The following NAV2 variants were observed in gnomAD, a reference collection of about 807,000 sequenced individuals.
NAV2 encodes the protein helicase, APC down-regulated 1.
Under a neutral mutation model 223.2 loss-of-function variants are expected in NAV2, and 54 were observed. That is an observed-to-expected ratio of 0.24 (90% CI 0.19 to 0.30). The LOEUF is 0.30. Among genes scored for constraint, NAV2 ranks in the 10% least tolerant of loss-of-function variants. The pLI is 1.00. For synonymous variants in NAV2, 1,279 were observed against 1,239.3 expected (o/e 1.03, Z -0.67); for missense variants, 2,806 against 3,147.5 (o/e 0.89, Z 2.60).
intron 3 of NAV2, among the ~76,000 whole-genome samples, chr11:19,866,118 A>G (rs1385878167): frequency 6.6e-6 from 1 of 151,592 alleles, no homozygotes; most frequent in Non-Finnish European, 1.5e-5. Flanking sequence ...GCTGGCACAG[A>G]GCAGACATCT....
chr11:19,728,245 C>T (rs955135186), intron 1 of NAV2, among the ~76,000 whole-genome samples: 1 of 152,206 alleles, frequency 6.6e-6, no homozygotes, highest in Non-Finnish European at 1.5e-5. Flanking sequence ...GAGTCAAAAA[C>T]ATTAAGTTCT....
intron 1 of NAV2, among the ~76,000 whole-genome samples, chr11:19,592,062 C>T (rs139422217): frequency 2.6e-5 from 4 of 152,296 alleles, no homozygotes; most frequent in South Asian, 4.1e-4. Context: ...CCAGCATCCA[C>T]GTACGTTTGG....
rs189694350 is a variant in NAV2, at chr11:19,692,177, A to G, written c.76-140307A>G. ...GTGAGCATGCAGACTCACTGGGAGA[A>G]AGACCCACACTGGCTGAGGGCCTCA... On this transcript the variant is annotated intron_variant, in intron 1 of 37. Coordinates refer to the NAV2 transcript ENST00000360655. Among the ~76,000 whole-genome samples the G allele has an allele frequency of 1.1e-4, 17 of 152,332 alleles. No individual in the cohort carries two copies. The East Asian group carries it at 3.3e-3, about 29-fold the overall frequency.
intron 1 of NAV2, among the ~76,000 whole-genome samples, chr11:19,622,716 G>C (rs1190813718): frequency 2.6e-5 from 4 of 152,086 alleles, no homozygotes; most frequent in East Asian, 3.9e-4. Context: ...GACTCTTTAT[G>C]CAATTTTCCA....
In NAV2 at chr11:19,901,442, G is replaced by A. The variant is rs371098731; in HGVS notation, c.931+8848G>A. ...TACGCCTGTAGTCCCAGTTAAGTGG[G>A]AGGCTGAGGCAGGAGAATCGCTTGA... is the stretch of plus-strand genomic sequence containing the variant. On this transcript the variant is annotated intron_variant, in intron 6 of 37. Transcript: ENST00000349880. Among the ~76,000 whole-genome samples the A allele has an allele frequency of 9.3e-4, 142 of 152,314 alleles. No individual in the cohort carries two copies. The South Asian group carries it at 0.015, about 16-fold the overall frequency.
chr11:19,624,865 C>T (rs1228084756), intron 1 of NAV2, among the ~76,000 whole-genome samples: 2 of 152,206 alleles, frequency 1.3e-5, no homozygotes, highest in African/African-American at 4.8e-5. Context: ...GAGCTGTAGA[C>T]TGGAGCTCTA....
intron 5 of NAV2, among the ~76,000 whole-genome samples, 194 bp downstream of exon 5, chr11:19,880,321 A>T (rs1268078460): frequency 6.6e-6 from 1 of 152,206 alleles, no homozygotes; most frequent in Admixed American, 6.5e-5. Context: ...GCAGAGATGT[A>T]TACTTTTATA....
intron 1 of NAV2, among the ~76,000 whole-genome samples, chr11:19,523,321 C>G (rs1033467981): frequency 6.6e-6 from 1 of 152,158 alleles, no homozygotes; most frequent in Non-Finnish European, 1.5e-5. Flanking sequence ...TGGGGAGCAG[C>G]AAGGTGAAAT....
intron 6 of NAV2, among the ~76,000 whole-genome samples, chr11:19,913,130 T>C (rs1360230109): frequency 6.6e-6 from 1 of 152,224 alleles, no homozygotes; most frequent in African/African-American, 2.4e-5. Flanking sequence ...TGAATCACTC[T>C]GTCCTGTTTT....
chr11:19,366,626 T>A (rs532236184), intron 1 of NAV2, among the ~76,000 whole-genome samples: 1 of 152,286 alleles, frequency 6.6e-6, no homozygotes, highest in South Asian at 2.1e-4. Flanking sequence ...AGACCCCAGA[T>A]AAAATCCTGG....
At chr11:19,531,102 T>A (rs1242015647) in intron 1 of NAV2, among the ~76,000 whole-genome samples, 1 of 152,244 alleles carries the variant, frequency 6.6e-6, no homozygotes, top group Non-Finnish European at 1.5e-5. Context: ...ATTTATTGCC[T>A]GGCATAGAGT....
chr11:19,891,512 G>A lies in NAV2; in HGVS notation c.771-922G>A, dbSNP rs140666525. On this transcript the variant is annotated intron_variant, in intron 5 of 37. Transcript: ENST00000349880. ...CCAAAATGAGGTGTTTTATTTAAAG[G>A]GAGAGTGTGTGTTTGTCTTTAGGCC... is the stretch of plus-strand genomic sequence containing the variant. Among the ~76,000 whole-genome samples the A allele has an allele frequency of 1.1e-4, 16 of 152,262 alleles. 1 individual carries two copies. In the East Asian group the frequency reaches 3.1e-3, roughly 29 times the overall value.
At chr11:19,535,884 G>C (rs1443012901) in intron 1 of NAV2, among the ~76,000 whole-genome samples, 2 of 152,184 alleles carry the variant, frequency 1.3e-5, no homozygotes, top group East Asian at 3.8e-4. Flanking sequence ...TCTGGGTGTA[G>C]ATCTTTTGCT....
intron 1 of NAV2, among the ~76,000 whole-genome samples, chr11:19,722,139 T>C (rs2050793771): frequency 6.6e-6 from 1 of 152,230 alleles, no homozygotes. Context: ...CTGGACTCTT[T>C]ATCTTCTTTC....
intron 1 of NAV2, among the ~76,000 whole-genome samples, chr11:19,802,337 C>G (rs1261258327): frequency 6.6e-6 from 1 of 152,048 alleles, no homozygotes; most frequent in Non-Finnish European, 1.5e-5. Flanking sequence ...CTTCCATTCC[C>G]AGAATTCTCT....
intron 11 of NAV2, among the ~76,000 whole-genome samples, chr11:20,000,431 C>A (rs576953121): frequency 6.6e-6 from 1 of 152,262 alleles, no homozygotes; most frequent in African/African-American, 2.4e-5. Flanking sequence ...AGGACACAAG[C>A]TGTGGGATGA....
At chr11:20,114,286 A>G (rs2062868328) in intron 36 of NAV2, 3 of 407,924 alleles carry the variant, frequency 7.4e-6, no homozygotes, top group Non-Finnish European at 1.3e-5. Flanking sequence ...CCAGTTTTTC[A>G]AATTGGATTA....
intron 6 of NAV2, among the ~76,000 whole-genome samples, chr11:19,932,030 G>T (rs1215139746): frequency 5.3e-5 from 8 of 151,994 alleles, no homozygotes; most frequent in African/African-American, 1.9e-4. Context: ...CTGTCACATT[G>T]GCCACCTTGG....
Position 19,626,569 on chromosome 11 carries a change from T to A in NAV2, c.76-205915T>A, listed in dbSNP as rs542092696. ...TTTTTTCCCATTTCTGTGAAGAATG[T>A]CATTGGTATTTTGATAGGGATTGCA... On this transcript the variant is annotated intron_variant, in intron 1 of 37. Coordinates refer to the NAV2 transcript ENST00000360655. Among the ~76,000 whole-genome samples the A allele has an allele frequency of 2.0e-5, 3 of 152,340 alleles. No individual in the cohort carries two copies. In the South Asian group the frequency reaches 6.2e-4, roughly 32 times the overall value.
Sources: allele counts gnomAD v4.1 joint callset (sites outside exome capture counted in the v4.1 genomes callset), GRCh38; gene constraint gnomAD v4.1.1; transcripts MANE v1.5; gene names NCBI Gene and HGNC (gene_info 2026-07-23, HGNC 2026-07-21).